Variants in PCDH11X observed in about 807,000 individuals in gnomAD.
PCDH11X encodes protocadherin-11 X-linked.
Under a neutral mutation model 53.3 loss-of-function variants are expected in PCDH11X, and 18 were observed. The observed-to-expected ratio is 0.34, with a 90% CI of 0.23 to 0.50. The LOEUF is 0.50. Ranked by LOEUF, PCDH11X falls within the 20% of genes least tolerant of loss-of-function variation. The pLI is 0.98. For missense variants in PCDH11X, 570 were observed against 1,032.4 expected (o/e 0.55, Z 6.14); for synonymous variants, 279 against 393.3 (o/e 0.71, Z 3.44).
chrX:92,276,936 C>G (rs1287727916), intron 8 of PCDH11X, among the ~76,000 whole-genome samples: 2 of 111,384 alleles, frequency 1.8e-5, no homozygotes, highest in African/African-American at 3.3e-5. Context: ...TTAACCTTGA[C>G]TATGCCTTTG....
intron 6 of PCDH11X, among the ~76,000 whole-genome samples, chrX:92,078,011 A>G (rs781005960): frequency 2.5e-4 from 28 of 110,486 alleles, no homozygotes; most frequent in African/African-American, 8.5e-4. Flanking sequence ...TACTGTTATT[A>G]TTAGCCCTAT....
At chrX:92,445,136 C>T (rs1486319546) in intron 9 of PCDH11X, among the ~76,000 whole-genome samples, 18 of 103,650 alleles carry the variant, frequency 1.7e-4, no homozygotes, top group Admixed American at 1.5e-3. Context: ...AGAATTGGGA[C>T]CAGCTCTTCT....
In PCDH11X at chrX:91,992,089, G is replaced by A. The variant is rs184632237; in HGVS notation, c.3033+112816G>A. 6.1e-3 allele frequency among the ~76,000 whole-genome samples: 652 copies of A among 107,263 alleles called. 4 individuals carry two copies. Among genetic ancestry groups the A allele is most frequent in the African/African-American group, 0.021 (617 of 29,331 alleles). 93.1% of individuals were successfully genotyped at this position (107,263 alleles called of 115,157 possible). A position where few individuals can be genotyped will look rare whatever the true frequency, so the allele number is the denominator to read the frequency against. ...TTTTAATCAATTTTTATGAGCTGGAGGGATGCTATTCTGCTCCTTATTTTT... is the reference window on the plus strand; with the variant it reads ...TTTTAATCAATTTTTATGAGCTGGAAGGATGCTATTCTGCTCCTTATTTTT... On this transcript the variant is annotated intron_variant, in intron 6 of 10. Coordinates refer to ENST00000682573, the MANE Select transcript of PCDH11X (RefSeq NM_032968.5).
chrX:91,882,331 T>C (rs753444294), intron 6 of PCDH11X, among the ~76,000 whole-genome samples: 1 of 109,943 alleles, frequency 9.1e-6, no homozygotes, highest in South Asian at 3.8e-4. Context: ...CAATTGGTTG[T>C]TATGACACTA....
chrX:92,398,006 C>G (rs2071284961), intron 9 of PCDH11X, among the ~76,000 whole-genome samples: 1 of 110,173 alleles, frequency 9.1e-6, no homozygotes, highest in South Asian at 3.8e-4. Flanking sequence ...CAAATTAAAT[C>G]CAAATATTGA....
At chrX:92,396,772 G>A (rs1317844440) in intron 9 of PCDH11X, among the ~76,000 whole-genome samples, 6 of 92,539 alleles carry the variant, frequency 6.5e-5, no homozygotes, top group African/African-American at 2.5e-4. Context: ...GAACCTGAGA[G>A]GGGGAGATTG....
chrX:91,881,598 T>A (rs1485283509), intron 6 of PCDH11X, among the ~76,000 whole-genome samples: 1 of 111,908 alleles, frequency 8.9e-6, no homozygotes, highest in African/African-American at 3.2e-5. Context: ...ACATTTGCAA[T>A]GTTCTTTACC....
intron 6 of PCDH11X, among the ~76,000 whole-genome samples, chrX:91,985,752 C>G (rs73630154): frequency 0.021 from 2,339 of 111,506 alleles, 53 homozygotes; most frequent in African/African-American, 0.072. Context: ...GTTACCATTT[C>G]AGAGGGAAAG....
intron 7 of PCDH11X, among the ~76,000 whole-genome samples, chrX:92,205,786 C>T (rs1045179715): frequency 1.8e-5 from 2 of 109,568 alleles, no homozygotes; most frequent in Admixed American, 9.8e-5. Context: ...TTTTTAGTAG[C>T]GACGGTGTTT....
At chrX:92,303,668 C>A (rs1384365883) in intron 8 of PCDH11X, among the ~76,000 whole-genome samples, 1 of 111,839 alleles carries the variant, frequency 8.9e-6, no homozygotes, top group Non-Finnish European at 1.9e-5. Context: ...TTCTCAGGCT[C>A]CCAGATGTTT....
chrX:92,037,472 G>A (rs1267996487), intron 6 of PCDH11X, among the ~76,000 whole-genome samples: 1 of 111,632 alleles, frequency 9.0e-6, no homozygotes, highest in Non-Finnish European at 1.9e-5. Flanking sequence ...ATGGGCATTT[G>A]GGTTGGTTCC....
In PCDH11X at chrX:91,996,581, T is replaced by C. The variant is rs112056411; in HGVS notation, c.3033+117308T>C. ...TGAACCACACAGGTTTACAGATACA[T>C]GGTTTTCTTTCACCTCTATCAGACC... On this transcript the variant is annotated intron_variant, in intron 6 of 10. Coordinates refer to ENST00000682573, the MANE Select transcript of PCDH11X (RefSeq NM_032968.5). Among the ~76,000 whole-genome samples, 103 of 29,918 alleles carry C rather than the reference T, an allele frequency of 3.4e-3. 1 individual carries two copies. The highest frequency in any genetic ancestry group is 0.015 in the African/African-American group (88 of 6,015). 26.0% of individuals were successfully genotyped at this position (29,918 alleles called of 115,157 possible).
At chrX:92,153,295 A>G (rs2065472468) in intron 6 of PCDH11X, among the ~76,000 whole-genome samples, 1 of 107,657 alleles carries the variant, frequency 9.3e-6, no homozygotes, top group Non-Finnish European at 1.9e-5. Flanking sequence ...ATCCTATTAC[A>G]GATTGCAATG....
At chrX:92,111,264 A>G (rs1229283620) in intron 6 of PCDH11X, among the ~76,000 whole-genome samples, 1 of 101,282 alleles carries the variant, frequency 9.9e-6, no homozygotes, top group East Asian at 3.2e-4. Flanking sequence ...AGCGTCAACT[A>G]CTTTCTAAGC....
intron 9 of PCDH11X, among the ~76,000 whole-genome samples, chrX:92,454,165 T>G (rs1469961843): frequency 2.0e-5 from 2 of 101,725 alleles, no homozygotes; most frequent in Non-Finnish European, 4.0e-5. Context: ...ATAATAAAAT[T>G]ATATGTATTA....
At chrX:92,448,730 T>A (rs2072713312) in intron 9 of PCDH11X, among the ~76,000 whole-genome samples, 1 of 109,239 alleles carries the variant, frequency 9.2e-6, no homozygotes, top group Non-Finnish European at 1.9e-5. Context: ...GGAGAAAGGG[T>A]ACTTAATTAG....
At chrX:91,895,679 A>G (rs1282454551) in intron 6 of PCDH11X, among the ~76,000 whole-genome samples, 1 of 108,833 alleles carries the variant, frequency 9.2e-6, no homozygotes, top group Non-Finnish European at 1.9e-5. Flanking sequence ...CTAACAGTCC[A>G]GAAAGATATT....
intron 5 of PCDH11X, among the ~76,000 whole-genome samples, chrX:91,843,260 C>CT (rs1330421518): frequency 4.7e-5 from 3 of 64,310 alleles, no homozygotes; most frequent in African/African-American, 1.9e-4. Flanking sequence ...TACATACATA[C>CT]TTATGTGTGT....
chrX:91,988,426 T>G (rs2062260854), intron 6 of PCDH11X, among the ~76,000 whole-genome samples: 1 of 112,542 alleles, frequency 8.9e-6, no homozygotes, highest in African/African-American at 3.2e-5. Flanking sequence ...CTGAGGGATA[T>G]GTTGTCTTAA....
Sources: allele counts gnomAD v4.1 joint callset (sites outside exome capture counted in the v4.1 genomes callset), GRCh38; gene constraint gnomAD v4.1.1; transcripts MANE v1.5; gene names NCBI Gene and HGNC (gene_info 2026-07-23, HGNC 2026-07-21).